The following SLX4 variants were observed in gnomAD, a reference collection of about 807,000 sequenced individuals.
SLX4 encodes structure-specific endonuclease subunit SLX4.
A neutral mutation model predicts 146.2 loss-of-function variants in SLX4; 112 were observed. The ratio of observed to expected loss-of-function variants is 0.77; its 90% CI spans 0.66 to 0.90. SLX4 has a LOEUF of 0.90. SLX4 is among the 40% of genes least tolerant of loss of function. The pLI, the probability that SLX4 is intolerant of heterozygous loss-of-function variation, is 0.00. For missense variants in SLX4, 2,563 were observed against 2,392.7 expected, an observed-to-expected ratio of 1.07 and a Z score of -1.49; for synonymous variants, 1,061 against 997.7, an observed-to-expected ratio of 1.06 and a Z score of -1.20.
chr16:3,581,930 C>G lies in SLX4; in HGVS notation c.*412G>C, dbSNP rs2040440355. On this transcript the variant is annotated 3_prime_UTR_variant, in exon 15 of 15. Coordinates refer to ENST00000294008, the MANE Select transcript of SLX4 (RefSeq NM_032444.4). ...TGGCAGCGTGTGCCTGTAGTCCCAG[C>G]TATCTGGGAGGCTGAGGCAGGAGAA... 1 of 238,514 alleles carries G rather than the reference C, an allele frequency of 4.2e-6. No homozygotes were observed. The highest frequency in any genetic ancestry group is 2.3e-5 in the African/African-American group (1 of 44,408). 14.8% of individuals were successfully genotyped at this position (238,514 alleles called of 1,614,324 possible).
rs541475278 is a variant in SLX4, at chr16:3,604,838, A to G, written c.760+1636T>C. On this transcript the variant is annotated intron_variant, in intron 3 of 14. Coordinates refer to ENST00000294008, the MANE Select transcript of SLX4 (RefSeq NM_032444.4). ...CCATCTCAAAAAAAAAAAAAAATGTATATTTATAAAGACATAAACAAATGG... is the reference window on the plus strand; with the variant it reads ...CCATCTCAAAAAAAAAAAAAAATGTGTATTTATAAAGACATAAACAAATGG... Among the ~76,000 whole-genome samples the G allele has an allele frequency of 2.7e-4, 40 of 150,602 alleles. 1 individual carries two copies. The South Asian group carries it at 8.4e-3, about 32-fold the overall frequency.
At chr16:3,600,591 CTTTTTTTTTTTTTTTT>C (rs974875930) in intron 5 of SLX4, 6 of 102,610 alleles carry the variant, frequency 5.8e-5, no homozygotes, top group South Asian at 1.0e-4. Context: ...CTATAAAAAG[CTTTTTTTTTTTTTTTT>C]TTTTTTTTTT....
At chr16:3,601,319 C>A in intron 4 of SLX4, 128 bp from the exon 5 acceptor site, 1 of 904,460 alleles carries the variant, frequency 1.1e-6, no homozygotes, top group Non-Finnish European at 1.8e-6. Context: ...CCCCTCTACA[C>A]AGCCTGGCTC....
At chr16:3,603,157 G>A (rs190476944) in intron 3 of SLX4, among the ~76,000 whole-genome samples, 2 of 152,248 alleles carry the variant, frequency 1.3e-5, no homozygotes, top group South Asian at 2.1e-4. Context: ...GGGTCCAAGC[G>A]ATTCTCCTGC....
At position 3,590,307 on chromosome 16, in the gene SLX4, T is replaced by C. The variant is rs760681903; in HGVS notation, c.3331A>G (p.Asn1111Asp). 8.7e-6 allele frequency: 14 copies of C among 1,614,034 alleles called. 1 individual carries two copies. The South Asian group carries it at 1.4e-4, about 16-fold the overall frequency. The change falls in exon 12 of 15, where the codon AAT becomes GAT. Residue 1111 changes from asparagine to aspartate, a missense_variant. Coordinates refer to ENST00000294008, the MANE Select transcript of SLX4 (RefSeq NM_032444.4). This position sits in a 1 kb window ranked among gnomAD's most constrained non-coding sequence, Gnocchi z 4.8. ...KERRSVLECR[N>D]KGVLMFPEKS... is the part of the protein sequence containing the mutation. ...TCTGGGAACATCAGGACCCCCTTAT[T>C]TCTGCACTCCAGCACGGACCGACGC... is the stretch of plus-strand genomic sequence containing the variant.
At chr16:3,599,471 T>G (rs1005752807) in intron 5 of SLX4, among the ~76,000 whole-genome samples, 1 of 152,268 alleles carries the variant, frequency 6.6e-6, no homozygotes, top group Non-Finnish European at 1.5e-5. Context: ...GTTTGCATGC[T>G]GAGGACTTGT....
At chr16:3,608,115 T>C (rs1431975579) in intron 2 of SLX4, among the ~76,000 whole-genome samples, 1 of 151,734 alleles carries the variant, frequency 6.6e-6, no homozygotes, top group Non-Finnish European at 1.5e-5. Flanking sequence ...AGTCCAGGAG[T>C]TCAAGACCAG....
rs1434109620 is a variant in SLX4 at position 3,592,841 on chromosome 16, C to T, written c.2185G>A (p.Val729Ile). 1 of 1,612,000 alleles carries T rather than the reference C, an allele frequency of 6.2e-7. No homozygotes were observed. Among genetic ancestry groups the T allele is most frequent in the Non-Finnish European group, 8.5e-7 (1 of 1,179,808 alleles). ...CGCTGGGTCAGAACCCCGTCCTCTACAGCGGAGAAGCCTTCATTGTTCACC... is the reference window on the plus strand; with the variant it reads ...CGCTGGGTCAGAACCCCGTCCTCTATAGCGGAGAAGCCTTCATTGTTCACC... ...QYVNNEGFSAVEDGVLTQRVL... is the reference protein window; with the variant it reads ...QYVNNEGFSAIEDGVLTQRVL... Residue 729 changes from valine to isoleucine, a missense_variant, in exon 11 of 15, where the codon GTA becomes ATA. Val to Ile is a conservative substitution (Grantham distance 29). Transcript: ENST00000294008.
rs377544881 is a variant in SLX4, at chr16:3,583,223, G to A, written c.5027C>T (p.Thr1676Ile). Residue 1676 changes from threonine to isoleucine, a missense_variant, in exon 14 of 15, where the codon ACA (threonine) becomes ATA (isoleucine). Physicochemically the swap from Thr to Ile is moderately conservative, Grantham distance 89. Coordinates refer to ENST00000294008, the MANE Select transcript of SLX4 (RefSeq NM_032444.4). Reference sequence around the variant, plus strand: ...CTTGGTGGGCGACCTGCTTGGGGGTGTGATGCTTTCATGATGCTTCCTTTG... The same window carrying A: ...CTTGGTGGGCGACCTGCTTGGGGGTATGATGCTTTCATGATGCTTCCTTTG... Reference protein sequence around the residue: ...RHQRKHHESITPPSRSPTKEA... With the variant: ...RHQRKHHESIIPPSRSPTKEA... The A allele has an allele frequency of 6.2e-7, 1 of 1,614,196 alleles. No individual in the cohort carries two copies. Among genetic ancestry groups the A allele is most frequent in the Non-Finnish European group, 8.5e-7 (1 of 1,180,034 alleles).
At position 3,594,611 on chromosome 16, in the gene SLX4, G is replaced by A; in HGVS notation, c.2014-12C>T. On this transcript the variant is annotated splice_polypyrimidine_tract_variant and intron_variant, in intron 9 of 14. Transcript: ENST00000294008. The stretch of plus-strand genomic sequence containing the variant: ...AGCCCGAGGGAGAGCTGAAGCAGGA[G>A]GAGAGGAAGAGCCGTCACCTCCCCA... 1.9e-6 allele frequency: 3 copies of A among 1,614,028 alleles called. No homozygotes were observed. The highest frequency in any genetic ancestry group is 2.5e-6 in the Non-Finnish European group (3 of 1,179,988).
rs2040576430 is a variant in SLX4 at position 3,590,677 on chromosome 16, G to A, written c.2961C>T (p.Phe987=). The change falls in exon 12 of 15, where the codon TTC becomes TTT. Residue 987 remains phenylalanine, a synonymous_variant. Coordinates refer to ENST00000294008, the MANE Select transcript of SLX4 (RefSeq NM_032444.4). This position sits in a 1 kb window ranked among gnomAD's most constrained non-coding sequence, Gnocchi z 4.8. ...SDDAGDYEQL[F]SSTQGEISEP... ...CTGAGATCTCTCCCTGAGTTGATGAGAAGAGCTGTTCGTAATCCCCGGCAT... is the reference window on the plus strand; with the variant it reads ...CTGAGATCTCTCCCTGAGTTGATGAAAAGAGCTGTTCGTAATCCCCGGCAT... 1.9e-6 allele frequency: 3 copies of A among 1,614,188 alleles called. No homozygotes were observed. Among genetic ancestry groups the A allele is most frequent in the East Asian group, 2.2e-5 (1 of 44,888 alleles).
intron 3 of SLX4, among the ~76,000 whole-genome samples, chr16:3,604,324 G>A (rs76870391): frequency 0.05 from 7,596 of 151,878 alleles, 247 homozygotes; most frequent in Admixed American, 0.068. Flanking sequence ...TATGCAGTGT[G>A]TGAACTTACT....
chr16:3,594,436 GCAGCCCACGTACTTA>G lies in SLX4; in HGVS notation c.2160+2_2160+16del. 1 of 1,607,886 alleles carries G rather than the reference GCAGCCCACGTACTTA, an allele frequency of 6.2e-7. No individual in the cohort carries two copies. The highest frequency in any genetic ancestry group is 8.5e-7 in the Non-Finnish European group (1 of 1,177,376). On this transcript the variant is annotated splice_donor_variant and splice_donor_5th_base_variant and intron_variant, in intron 10 of 14. Coordinates refer to ENST00000294008, the MANE Select transcript of SLX4 (RefSeq NM_032444.4). LOFTEE classifies it high-confidence loss of function. ...GAGAGAGAGGAAAGGAGGGCACACG[GCAGCCCACGTACTTA>G]CATACTGGATGAGGAGCGGGCATCG...
At position 3,597,724 on chromosome 16, in the gene SLX4, A is replaced by C. The variant is rs1407454836; in HGVS notation, c.1367-29T>G. 1.2e-6 allele frequency: 2 copies of C among 1,613,882 alleles called. No homozygotes were observed. The highest frequency in any genetic ancestry group is 1.7e-6 in the Non-Finnish European group (2 of 1,179,982). On this transcript the variant is annotated intron_variant, in intron 6 of 14. Coordinates refer to ENST00000294008, the MANE Select transcript of SLX4 (RefSeq NM_032444.4). This position sits in a 1 kb window ranked among gnomAD's most constrained non-coding sequence, Gnocchi z 4.4. ...GAGAGAAACAAAAGCGACACCATCA[A>C]CGGTGGAGTCGGTCCACTCACCCGG... is the stretch of plus-strand genomic sequence containing the variant.
rs376058707 is a variant in SLX4 at position 3,606,320 on chromosome 16, T to C, written c.760+154A>G. 1.3e-4 allele frequency among the ~76,000 whole-genome samples: 20 copies of C among 152,220 alleles called. No individual in the cohort carries two copies. In the East Asian group the frequency reaches 2.9e-3, roughly 22 times the overall value. On this transcript the variant is annotated intron_variant, in intron 3 of 14. Transcript: ENST00000294008. ...AAATGATCCCAGAGACTCTTCATTC[T>C]CTGGCTGGATCCAGTGAAGTGGCAA...
chr16:3,585,181 AC>A (rs1410684530), intron 12 of SLX4, among the ~76,000 whole-genome samples: 2 of 152,048 alleles, frequency 1.3e-5, no homozygotes, highest in African/African-American at 4.8e-5. Context: ...AAAATATCTG[AC>A]CCACAGTGAC....
At position 3,597,261 on chromosome 16, in the gene SLX4, G is replaced by C; in HGVS notation, c.1683+118C>G. 8.2e-7 allele frequency: 1 copy of C among 1,216,766 alleles called. No individual in the cohort carries two copies. The highest frequency in any genetic ancestry group is 1.1e-6 in the Non-Finnish European group (1 of 894,286). 75.4% of individuals were successfully genotyped at this position (1,216,766 alleles called of 1,614,324 possible). On this transcript the variant is annotated intron_variant, in intron 7 of 14. Transcript: ENST00000294008. This position sits in a 1 kb window ranked among gnomAD's most constrained non-coding sequence, Gnocchi z 4.4. ...CCAAGTGCCCCTCTGGCCTCCTCCC[G>C]CCTCTGCCTTTCCTTCCTGGACTTT...
intron 5 of SLX4, chr16:3,600,597 T>A (rs924494253): frequency 1.7e-3 from 185 of 109,926 alleles, no homozygotes; most frequent in South Asian, 6.8e-3. Flanking sequence ...AAAGCTTTTT[T>A]TTTTTTTTTT....
rs1238712358 is a variant in SLX4, at chr16:3,597,358, T to C, written c.1683+21A>G. ...AACCTCCCCCAAAAGCCTATCCATG[T>C]GCCTGAGGGGAGGGACTCACCTGGG... On this transcript the variant is annotated intron_variant, in intron 7 of 14. Transcript: ENST00000294008. The surrounding 1 kb of genome is among the most constrained non-coding windows in gnomAD (Gnocchi z 4.4). The C allele has an allele frequency of 1.3e-6, 2 of 1,517,308 alleles. No individual in the cohort carries two copies. The highest frequency in any genetic ancestry group is 1.8e-6 in the Non-Finnish European group (2 of 1,129,342). The allele number at this position is 1,517,308 out of a possible 1,614,324, so 94.0% of individuals were successfully genotyped here. A position where few individuals can be genotyped will look rare whatever the true frequency, so the allele number is the denominator to read the frequency against.
Sources: allele counts gnomAD v4.1 joint callset (sites outside exome capture counted in the v4.1 genomes callset), GRCh38; gene constraint gnomAD v4.1.1; non-coding constraint Gnocchi (gnomAD v3.1); transcripts MANE v1.5; gene names NCBI Gene and HGNC (gene_info 2026-07-23, HGNC 2026-07-21).